Variants in DMRT1 observed in about 807,000 individuals in gnomAD.
DMRT1 encodes doublesex and mab-3 related transcription factor 1, also known as doublesex- and mab-3-related transcription factor 1.
Under a neutral mutation model 32.3 loss-of-function variants are expected in DMRT1, and 7 were observed. The ratio of observed to expected loss-of-function variants is 0.22; its 90% CI spans 0.12 to 0.41. DMRT1 has a LOEUF of 0.41. DMRT1 is among the 10% of genes least tolerant of loss of function. The probability of loss-of-function intolerance (pLI) is 1.00; values close to 1 mark genes in which losing one functional copy is unlikely to be tolerated. For missense variants in DMRT1, 625 were observed against 500.5 expected (o/e 1.25, Z -2.37); for synonymous variants, 278 against 206.1 (o/e 1.35, Z -2.99).
At chr9:859,118 C>A (rs974319731) in intron 2 of DMRT1, among the ~76,000 whole-genome samples, 13 of 152,072 alleles carry the variant, frequency 8.5e-5, no homozygotes, top group African/African-American at 3.1e-4. Flanking sequence ...TCTGAAATCA[C>A]CTGTAGACTC....
chr9:954,710 C>T (rs939221185), intron 4 of DMRT1, among the ~76,000 whole-genome samples: 25 of 152,168 alleles, frequency 1.6e-4, no homozygotes, highest in African/African-American at 4.8e-4. Flanking sequence ...AGTACGATCC[C>T]GGCTCACTGT....
chr9:926,779 C>T (rs10816059), intron 4 of DMRT1, among the ~76,000 whole-genome samples: 106,007 of 151,750 alleles, frequency 0.7, 37,962 homozygotes, highest in South Asian at 0.86. Flanking sequence ...GTTGAACATA[C>T]TTACTAGAAA....
chr9:903,319 G>T (rs1817658230), intron 3 of DMRT1, among the ~76,000 whole-genome samples: 1 of 151,736 alleles, frequency 6.6e-6, no homozygotes, highest in South Asian at 2.1e-4. Flanking sequence ...TGCAGTCCCG[G>T]CTTTCTGTTT....
chr9:966,990 G>A (rs527543319), intron 4 of DMRT1, among the ~76,000 whole-genome samples: 1 of 152,332 alleles, frequency 6.6e-6, no homozygotes, highest in South Asian at 2.1e-4. Flanking sequence ...ACAAGAAGCC[G>A]TGGCAGATGC....
chr9:876,772 C>T lies in DMRT1; in HGVS notation c.539-17140C>T, dbSNP rs1463702626. Among the ~76,000 whole-genome samples the T allele has an allele frequency of 3.9e-5, 6 of 152,188 alleles. No homozygotes were observed. The East Asian group carries it at 1.2e-3, about 29-fold the overall frequency. The stretch of plus-strand genomic sequence containing the variant: ...TCTGGAACTTCTGACCTCAAGCAAT[C>T]CTCCCGCCTTGGCCTCTTGAAGTGC... On this transcript the variant is annotated intron_variant, in intron 2 of 4. Transcript: ENST00000382276.
intron 4 of DMRT1, among the ~76,000 whole-genome samples, chr9:929,702 C>T (rs986119303): frequency 3.9e-5 from 6 of 152,000 alleles, no homozygotes; most frequent in South Asian, 2.1e-4. Context: ...CATTTTGTTC[C>T]GTTGTCCCCC....
intron 3 of DMRT1, among the ~76,000 whole-genome samples, chr9:910,446 G>T (rs908362634): frequency 1.3e-5 from 2 of 151,940 alleles, no homozygotes; most frequent in East Asian, 3.9e-4. Context: ...CACCTGGATA[G>T]ACTGTTCACT....
intron 4 of DMRT1, among the ~76,000 whole-genome samples, chr9:944,324 G>A (rs1336205241): frequency 6.6e-6 from 1 of 152,164 alleles, no homozygotes; most frequent in African/African-American, 2.4e-5. Context: ...AAAGATTACA[G>A]TCAAGAGTAA....
Position 884,198 on chromosome 9 carries a change from G to C in DMRT1, c.539-9714G>C, listed in dbSNP as rs956027091. ...TTGGGAATCATGACACCAGCAAAGA[G>C]GGGGGCAAGCCTTCACCCACCTTAA... On this transcript the variant is annotated intron_variant, in intron 2 of 4. Coordinates refer to ENST00000382276, the MANE Select transcript of DMRT1 (RefSeq NM_021951.3). 3.3e-5 allele frequency among the ~76,000 whole-genome samples: 5 copies of C among 151,828 alleles called. No individual in the cohort carries two copies. In the East Asian group the frequency reaches 9.6e-4, roughly 29 times the overall value.
chr9:856,423 C>CT (rs1428765288), intron 2 of DMRT1, among the ~76,000 whole-genome samples: 1 of 152,142 alleles, frequency 6.6e-6, no homozygotes, highest in African/African-American at 2.4e-5. Flanking sequence ...TAGGCAGACA[C>CT]TAATAGATTT....
intron 2 of DMRT1, among the ~76,000 whole-genome samples, chr9:862,354 A>C (rs1006162192): frequency 2.6e-5 from 4 of 152,078 alleles, no homozygotes; most frequent in Non-Finnish European, 5.9e-5. Flanking sequence ...TAGGAAAACC[A>C]GTCAGGTGTG....
intron 2 of DMRT1, among the ~76,000 whole-genome samples, chr9:868,505 G>C (rs560016092): frequency 3.9e-5 from 6 of 152,296 alleles, no homozygotes; most frequent in African/African-American, 1.2e-4. Context: ...ACCAAACCTG[G>C]AATCAAAAGG....
intron 4 of DMRT1, among the ~76,000 whole-genome samples, chr9:932,788 A>G (rs1203368339): frequency 6.6e-6 from 1 of 152,168 alleles, no homozygotes; most frequent in Non-Finnish European, 1.5e-5. Flanking sequence ...ATAATGACTC[A>G]CAGAACTCAG....
intron 4 of DMRT1, among the ~76,000 whole-genome samples, chr9:947,695 C>G (rs1323222886): frequency 6.6e-6 from 1 of 152,134 alleles, no homozygotes; most frequent in Non-Finnish European, 1.5e-5. Context: ...GCGATCTCGG[C>G]TCACTGCAGC....
chr9:935,316 G>T (rs938613355), intron 4 of DMRT1, among the ~76,000 whole-genome samples: 1 of 152,172 alleles, frequency 6.6e-6, no homozygotes, highest in Non-Finnish European at 1.5e-5. Flanking sequence ...GCAAACGAGG[G>T]GGGCAGATGG....
At position 881,045 on chromosome 9, in the gene DMRT1, C is replaced by T. The variant is rs563060374; in HGVS notation, c.539-12867C>T. Among the ~76,000 whole-genome samples the T allele has an allele frequency of 2.0e-5, 3 of 152,160 alleles. No homozygotes were observed. The South Asian group carries it at 6.2e-4, about 32-fold the overall frequency. On this transcript the variant is annotated intron_variant, in intron 2 of 4. Coordinates refer to ENST00000382276, the MANE Select transcript of DMRT1 (RefSeq NM_021951.3). ...GTTCTCAACTTGCTCTGCCTGGGTC[C>T]CATTGCGGGAGGCTGTCACGCAAAG...
At chr9:927,628 A>G (rs1179703154) in intron 4 of DMRT1, among the ~76,000 whole-genome samples, 2 of 152,182 alleles carry the variant, frequency 1.3e-5, no homozygotes, top group African/African-American at 4.8e-5. Context: ...ATATATAGGC[A>G]TATACTTCCC....
chr9:885,471 TCCTACTTC>T (rs1816890376), intron 2 of DMRT1, among the ~76,000 whole-genome samples: 1 of 152,268 alleles, frequency 6.6e-6, no homozygotes, highest in South Asian at 2.1e-4. Context: ...CCGACTCTTC[TCCTACTTC>T]CCCAACCAAA....
chr9:871,314 G>A (rs1232058789), intron 2 of DMRT1, among the ~76,000 whole-genome samples: 2 of 145,366 alleles, frequency 1.4e-5, no homozygotes, highest in African/African-American at 2.5e-5. Flanking sequence ...GGCATGAACC[G>A]GTAGCCCGGC....
Sources: allele counts gnomAD v4.1 joint callset (sites outside exome capture counted in the v4.1 genomes callset), GRCh38; gene constraint gnomAD v4.1.1; transcripts MANE v1.5; gene names NCBI Gene and HGNC (gene_info 2026-07-23, HGNC 2026-07-21).